Variants in FRY observed in about 807,000 individuals in gnomAD.
The protein encoded by FRY is FRY microtubule binding protein, also known as protein furry homolog.
FRY carries 128 observed loss-of-function variants against 348.4 expected under a neutral mutation model. That is an observed-to-expected ratio of 0.37 (90% CI 0.32 to 0.43). FRY has a LOEUF of 0.43. Ranked by LOEUF, FRY falls within the 20% of genes least tolerant of loss-of-function variation. FRY has a pLI of 1.00. For synonymous variants in FRY, 1,370 were observed against 1,374.7 expected, an observed-to-expected ratio of 1.00 and a Z score of 0.08; for missense variants, 2,736 against 3,695.2, an observed-to-expected ratio of 0.74 and a Z score of 6.73.
rs185997665 is a variant in FRY at position 32,104,781 on chromosome 13, A to G, written c.324+2765A>G. Among the ~76,000 whole-genome samples the G allele has an allele frequency of 8.1e-4, 123 of 152,252 alleles. 3 individuals are homozygous for G. Among genetic ancestry groups the G allele is most frequent in the Middle Eastern group, 3.4e-3 (1 of 294 alleles). On this transcript the variant is annotated intron_variant, in intron 3 of 60. Transcript: ENST00000542859. ...ATGGGGGGCCAGTCTTCCCCATGCTATTCTCATGATAGTGAATAAATCTCA... is the reference window on the plus strand; with the variant it reads ...ATGGGGGGCCAGTCTTCCCCATGCTGTTCTCATGATAGTGAATAAATCTCA...
intron 1 of FRY, among the ~76,000 whole-genome samples, chr13:32,061,946 C>T (rs9533319): frequency 0.062 from 9,381 of 151,984 alleles, 307 homozygotes; most frequent in Middle Eastern, 0.095. Flanking sequence ...GAGAAGTTAA[C>T]TTGTGAGTGG....
intron 50 of FRY, 127 bp downstream of exon 50, chr13:32,252,079 G>T: frequency 1.4e-6 from 1 of 740,180 alleles, no homozygotes; most frequent in South Asian, 1.4e-5. Context: ...CCACCGTCTT[G>T]AGCAAACCCC....
At chr13:32,066,352 A>G (rs1874258675) in intron 1 of FRY, among the ~76,000 whole-genome samples, 1 of 152,196 alleles carries the variant, frequency 6.6e-6, no homozygotes, top group Non-Finnish European at 1.5e-5. Context: ...TCACAGGGCA[A>G]TATATGGTTC....
At chr13:32,137,333 C>T (rs1879784955) in intron 11 of FRY, among the ~76,000 whole-genome samples, 1 of 152,190 alleles carries the variant, frequency 6.6e-6, no homozygotes. Context: ...ATCTCAGAAG[C>T]TCACTTATAC....
At chr13:32,232,288 G>T (rs910038832) in intron 41 of FRY, among the ~76,000 whole-genome samples, 1 of 152,204 alleles carries the variant, frequency 6.6e-6, no homozygotes, top group Non-Finnish European at 1.5e-5. Flanking sequence ...CTGAATTCTT[G>T]GAGGGTACTT....
In FRY at chr13:32,137,525, A is replaced by G. The variant is rs142542372; in HGVS notation, c.1179+553A>G. ...CTTGAAGGTATCCTGTTCAAGCCAC[A>G]TGGCAGTCAGTCCTAAGCATTCACT... On this transcript the variant is annotated intron_variant, in intron 11 of 60. Coordinates refer to ENST00000542859, the MANE Select transcript of FRY (RefSeq NM_023037.3). Among the ~76,000 whole-genome samples the G allele has an allele frequency of 7.6e-4, 116 of 152,374 alleles. 1 individual carries two copies. The highest frequency in any genetic ancestry group is 2.7e-3 in the African/African-American group (111 of 41,596).
chr13:32,127,042 G>A (rs974184574), intron 7 of FRY, among the ~76,000 whole-genome samples: 2 of 151,918 alleles, frequency 1.3e-5, no homozygotes, highest in Admixed American at 1.3e-4. Context: ...TGTCATTTAG[G>A]GAAAAGAATT....
At chr13:32,247,585 G>A in intron 48 of FRY, 83 bp downstream of exon 48, 1 of 1,092,950 alleles carries the variant, frequency 9.1e-7, no homozygotes, top group Non-Finnish European at 1.4e-6. Flanking sequence ...CTGGAAAAAA[G>A]AAGACTTATT....
chr13:32,048,638 T>G (rs2138391330), intron 1 of FRY, among the ~76,000 whole-genome samples: 2 of 152,350 alleles, frequency 1.3e-5, no homozygotes, highest in Non-Finnish European at 2.9e-5. Flanking sequence ...TTATACCTTC[T>G]AGGCACTTTT....
chr13:32,179,817 AGTT>A lies in FRY; in HGVS notation c.2996+22_2996+24del. On this transcript the variant is annotated intron_variant, in intron 23 of 60. Coordinates refer to ENST00000542859, the MANE Select transcript of FRY (RefSeq NM_023037.3). ...GTTTTCAGGTACAGTAGTCTTAATG[AGTT>A]GTTCTAAATTCATACATGCTGCTGC... 1 of 1,610,968 alleles carries A rather than the reference AGTT, an allele frequency of 6.2e-7. No homozygotes were observed. The highest frequency in any genetic ancestry group is 2.2e-5 in the East Asian group (1 of 44,864).
intron 1 of FRY, among the ~76,000 whole-genome samples, chr13:32,056,551 G>A (rs183026201): frequency 1.4e-4 from 22 of 152,242 alleles, no homozygotes; most frequent in African/African-American, 5.3e-4. Context: ...CCTTATTATG[G>A]TTTCCACAGG....
At chr13:32,229,189 A>C (rs1885776930) in intron 40 of FRY, among the ~76,000 whole-genome samples, 3 of 152,240 alleles carry the variant, frequency 2.0e-5, no homozygotes, top group Admixed American at 2.0e-4. Context: ...ATCAAAACCA[A>C]GAAAAACTGC....
intron 4 of FRY, among the ~76,000 whole-genome samples, chr13:32,119,760 A>G (rs776043403): frequency 4.6e-5 from 7 of 152,132 alleles, no homozygotes; most frequent in African/African-American, 4.8e-5. Context: ...AGTGCCGCTT[A>G]CTAGTTCCAG....
intron 1 of FRY, among the ~76,000 whole-genome samples, chr13:32,062,045 G>C (rs1873968740): frequency 1.3e-5 from 2 of 151,850 alleles, no homozygotes. Flanking sequence ...TTATTCCACT[G>C]CACTATCTCT....
chr13:32,210,803 G>T, intron 33 of FRY, 63 bp from the exon 34 acceptor site: 1 of 1,325,976 alleles, frequency 7.5e-7, no homozygotes, highest in Non-Finnish European at 1.1e-6. Flanking sequence ...GAGGTTTACT[G>T]GCCTAGTGTT....
chr13:32,125,579 G>GCTC (rs1256819932), intron 7 of FRY, among the ~76,000 whole-genome samples: 2 of 152,148 alleles, frequency 1.3e-5, no homozygotes, highest in Non-Finnish European at 2.9e-5. Context: ...CAACAGTGAT[G>GCTC]CTCCAATCCT....
chr13:32,034,006 G>A (rs186473925), intron 1 of FRY, among the ~76,000 whole-genome samples: 30 of 152,310 alleles, frequency 2.0e-4, no homozygotes, highest in Non-Finnish European at 4.0e-4. Flanking sequence ...GTGTAACCTT[G>A]GCTGAGAGGA....
chr13:32,140,590 T>C (rs74957411), intron 11 of FRY, among the ~76,000 whole-genome samples: 5,033 of 151,188 alleles, frequency 0.033, 169 homozygotes, highest in East Asian at 0.084. Flanking sequence ...AATAAATACA[T>C]GAGAAGAAAA....
At chr13:32,054,807 G>A (rs1046168306) in intron 1 of FRY, among the ~76,000 whole-genome samples, 5 of 152,052 alleles carry the variant, frequency 3.3e-5, no homozygotes, top group African/African-American at 9.7e-5. Flanking sequence ...CCCGAGTGGC[G>A]GAGCTTGCAG....
Sources: gnomAD v4.1 joint callset for allele counts (sites outside exome capture counted in the v4.1 genomes callset) on GRCh38, gnomAD v4.1.1 for gene constraint, MANE v1.5 for transcripts, NCBI Gene and HGNC (gene_info 2026-07-23, HGNC 2026-07-21) for gene names.